Variants in NELL1 observed in about 807,000 individuals in gnomAD.
NELL1 encodes the protein protein kinase C-binding protein NELL1.
Under a neutral mutation model 107.4 loss-of-function variants are expected in NELL1, and 76 were observed. The ratio of observed to expected loss-of-function variants is 0.71; its 90% CI spans 0.59 to 0.86. NELL1 has a LOEUF of 0.86. NELL1 is among the 40% of genes least tolerant of loss of function. NELL1 has a pLI of 0.00. For missense variants in NELL1, 1,024 were observed against 1,005.5 expected (o/e 1.02, Z -0.25); for synonymous variants, 353 against 341.2 (o/e 1.03, Z -0.38).
intron 4 of NELL1, among the ~76,000 whole-genome samples, chr11:20,850,438 C>G (rs1050404570): frequency 6.6e-6 from 1 of 152,194 alleles, no homozygotes; most frequent in Non-Finnish European, 1.5e-5. Context: ...GTGCTGAGTA[C>G]TTTACATAGA....
At position 21,114,145 on chromosome 11, in the gene NELL1, GT is replaced by G. The variant is rs1289575192; in HGVS notation, c.1426+434del. Among the ~76,000 whole-genome samples the G allele has an allele frequency of 9.9e-5, 15 of 152,150 alleles. No homozygotes were observed. The East Asian group carries it at 2.9e-3, about 30-fold the overall frequency. On this transcript the variant is annotated intron_variant, in intron 13 of 19. Coordinates refer to ENST00000357134, the MANE Select transcript of NELL1 (RefSeq NM_006157.5). ...TGACAGGGAGTACTTGGTGGTCAAA[GT>G]TTAGGTATATGGGAGCTGGTCGAAA...
At chr11:21,188,248 T>C (rs1856974646) in intron 13 of NELL1, among the ~76,000 whole-genome samples, 2 of 151,960 alleles carry the variant, frequency 1.3e-5, no homozygotes, top group African/African-American at 2.4e-5. Context: ...ACTAGCTTTT[T>C]CTCCTCAGTC....
chr11:20,849,575 G>A (rs1171910983), intron 4 of NELL1, among the ~76,000 whole-genome samples: 1 of 152,092 alleles, frequency 6.6e-6, no homozygotes, highest in Non-Finnish European at 1.5e-5. Context: ...AATTGACTGA[G>A]GGTATTCCAA....
At chr11:21,456,285 G>A (rs1395656286) in intron 15 of NELL1, among the ~76,000 whole-genome samples, 2 of 151,822 alleles carry the variant, frequency 1.3e-5, no homozygotes, top group South Asian at 4.2e-4. Flanking sequence ...CCCTCTCTTT[G>A]CTTCATTGTG....
intron 7 of NELL1, among the ~76,000 whole-genome samples, chr11:20,920,063 G>A (rs1167807565): frequency 6.6e-6 from 1 of 152,112 alleles, no homozygotes; most frequent in African/African-American, 2.4e-5. Flanking sequence ...TATTCATAAA[G>A]TGTATATTCA....
At chr11:21,180,443 C>G (rs1190334988) in intron 13 of NELL1, among the ~76,000 whole-genome samples, 3 of 151,882 alleles carry the variant, frequency 2.0e-5, no homozygotes, top group East Asian at 3.9e-4. Flanking sequence ...CAGAGATTCT[C>G]TTTTGGCCTG....
chr11:21,444,576 A>AT (rs150122073), intron 15 of NELL1, among the ~76,000 whole-genome samples: 8,582 of 152,044 alleles, frequency 0.056, 656 homozygotes, highest in African/African-American at 0.17. Context: ...CATCTTATTG[A>AT]TTTTTTTAAA....
intron 12 of NELL1, among the ~76,000 whole-genome samples, chr11:20,993,390 G>A (rs2134261403): frequency 6.6e-6 from 1 of 152,230 alleles, no homozygotes; most frequent in South Asian, 2.1e-4. Flanking sequence ...AATGGGCTGT[G>A]GTAAATTTGA....
At chr11:20,883,393 T>A (rs1480326325) in intron 4 of NELL1, among the ~76,000 whole-genome samples, 2 of 152,234 alleles carry the variant, frequency 1.3e-5, no homozygotes, top group East Asian at 3.8e-4. Context: ...ATGCATTTAA[T>A]AAATATTGAT....
At chr11:20,845,754 C>T (rs1466147024) in intron 3 of NELL1, among the ~76,000 whole-genome samples, 1 of 152,184 alleles carries the variant, frequency 6.6e-6, no homozygotes, top group Non-Finnish European at 1.5e-5. Context: ...CTTGCCTCCT[C>T]ATTTGTTCCT....
Position 21,560,277 on chromosome 11 carries a change from C to G in NELL1, c.1875C>G (p.Pro625=), listed in dbSNP as rs1446618182. The G allele has an allele frequency of 6.2e-7, 1 of 1,613,544 alleles. No individual in the cohort carries two copies. The highest frequency in any genetic ancestry group is 8.5e-7 in the Non-Finnish European group (1 of 1,179,696). ...NLAGGFDCLC[P]SGPSCSGDCP... ...CAGGGGGCTTTGACTGTCTCTGCCCCTCTGGGCCCTCCTGCTCTGGTGACT... is the reference window on the plus strand; with the variant it reads ...CAGGGGGCTTTGACTGTCTCTGCCCGTCTGGGCCCTCCTGCTCTGGTGACT... Residue 625 remains proline (P), a synonymous_variant, in exon 17 of 20, where the codon CCC becomes CCG. Coordinates refer to ENST00000357134, the MANE Select transcript of NELL1 (RefSeq NM_006157.5).
intron 16 of NELL1, among the ~76,000 whole-genome samples, chr11:21,548,305 A>G (rs768574578): frequency 6.6e-6 from 1 of 151,850 alleles, no homozygotes; most frequent in Non-Finnish European, 1.5e-5. Context: ...TGGAGAATCA[A>G]TGTATAGGTT....
chr11:21,499,855 A>G (rs1269043378), intron 15 of NELL1, among the ~76,000 whole-genome samples: 1 of 152,116 alleles, frequency 6.6e-6, no homozygotes, highest in Non-Finnish European at 1.5e-5. Context: ...GTCTAACACC[A>G]GTCTTATTAC....
chr11:21,424,634 CA>C (rs1400317261), intron 15 of NELL1, among the ~76,000 whole-genome samples: 1 of 151,806 alleles, frequency 6.6e-6, no homozygotes, highest in Non-Finnish European at 1.5e-5. Flanking sequence ...AACAAACAAA[CA>C]AAAAACAGAA....
At chr11:21,487,908 C>T (rs1258459177) in intron 15 of NELL1, among the ~76,000 whole-genome samples, 1 of 152,010 alleles carries the variant, frequency 6.6e-6, no homozygotes, top group Non-Finnish European at 1.5e-5. Context: ...ACAGACTTTA[C>T]ATCAAAAACA....
At chr11:20,954,322 T>G (rs1033827451) in intron 11 of NELL1, among the ~76,000 whole-genome samples, 1 of 152,208 alleles carries the variant, frequency 6.6e-6, no homozygotes, top group Non-Finnish European at 1.5e-5. Flanking sequence ...TTGTTCTTTC[T>G]TCTTCCTCTT....
At position 20,751,374 on chromosome 11, in the gene NELL1, T is replaced by G. The variant is rs151020709; in HGVS notation, c.185-32306T>G. On this transcript the variant is annotated intron_variant, in intron 2 of 19. Coordinates refer to ENST00000357134, the MANE Select transcript of NELL1 (RefSeq NM_006157.5). The stretch of plus-strand genomic sequence containing the variant: ...CAATATTGAGTTTTCCATGACTCAA[T>G]CCATCAACATTGTCTATCATTCCAT... 2.9e-3 allele frequency among the ~76,000 whole-genome samples: 443 copies of G among 152,346 alleles called. 2 individuals are homozygous for G. The highest frequency in any genetic ancestry group is 9.9e-3 in the African/African-American group (413 of 41,576).
intron 12 of NELL1, among the ~76,000 whole-genome samples, chr11:20,994,708 A>G (rs751948262): frequency 6.6e-6 from 1 of 152,204 alleles, no homozygotes; most frequent in African/African-American, 2.4e-5. Flanking sequence ...CTTACATTTT[A>G]TATTACAAGT....
chr11:21,418,683 A>G (rs1340313990), intron 15 of NELL1, among the ~76,000 whole-genome samples: 1 of 152,156 alleles, frequency 6.6e-6, no homozygotes, highest in East Asian at 1.9e-4. Flanking sequence ...GATAACATCA[A>G]GCTTGCCTAA....
Sources: allele counts gnomAD v4.1 joint callset (sites outside exome capture counted in the v4.1 genomes callset), GRCh38; gene constraint gnomAD v4.1.1; transcripts MANE v1.5; gene names NCBI Gene and HGNC (gene_info 2026-07-23, HGNC 2026-07-21).